The following KPNA4 variants were observed in gnomAD, a reference collection of about 807,000 sequenced individuals.
KPNA4 encodes importin subunit alpha-3.
KPNA4 carries 13 observed loss-of-function variants against 71.3 expected under a neutral mutation model. That is an observed-to-expected ratio of 0.18 (90% CI 0.12 to 0.29). The LOEUF (loss-of-function observed/expected upper bound fraction) is 0.29. KPNA4 is among the 10% of genes least tolerant of loss of function. The probability of loss-of-function intolerance (pLI) is 1.00; values close to 1 mark genes in which losing one functional copy is unlikely to be tolerated. For synonymous variants in KPNA4, 189 were observed against 195.2 expected, an observed-to-expected ratio of 0.97 and a Z score of 0.26; for missense variants, 334 against 603.2, an observed-to-expected ratio of 0.55 and a Z score of 4.67.
rs1720726171 is a variant in KPNA4, at chr3:160,495,068, G to C, written c.*7036C>G. The C allele has an allele frequency of 6.6e-6, 1 of 152,176 alleles. No individual in the cohort carries two copies. The highest frequency in any genetic ancestry group is 1.5e-5 in the Non-Finnish European group (1 of 68,040). 9.4% of individuals were successfully genotyped at this position (152,176 alleles called of 1,614,324 possible). On this transcript the variant is annotated 3_prime_UTR_variant, in exon 17 of 17. Transcript: ENST00000334256. Reference sequence around the variant, plus strand: ...TCATGGTACCTTCACGGTGTTTACAGAACTTTGCTTATATGCCGACCTTGC... The same window carrying C: ...TCATGGTACCTTCACGGTGTTTACACAACTTTGCTTATATGCCGACCTTGC...
intron 11 of KPNA4, 68 bp from the exon 12 acceptor site, chr3:160,515,648 T>C: frequency 6.4e-7 from 1 of 1,560,054 alleles, no homozygotes. Context: ...AAGGTCTTGC[T>C]CTGTCGCCCA....
intron 11 of KPNA4, among the ~76,000 whole-genome samples, chr3:160,520,914 C>T (rs1325206069): frequency 6.6e-6 from 1 of 152,214 alleles, no homozygotes; most frequent in Non-Finnish European, 1.5e-5. Context: ...CCCATTACAA[C>T]TGTAGCTTAA....
chr3:160,513,556 C>T (rs1293343046), intron 13 of KPNA4, among the ~76,000 whole-genome samples: 1 of 152,116 alleles, frequency 6.6e-6, no homozygotes, highest in Non-Finnish European at 1.5e-5. Flanking sequence ...TGAGCCACTG[C>T]ACCCAGCCTC....
At chr3:160,542,926 TAA>T (rs1721831819) in intron 1 of KPNA4, among the ~76,000 whole-genome samples, 1 of 152,182 alleles carries the variant, frequency 6.6e-6, no homozygotes, top group South Asian at 2.1e-4. Flanking sequence ...ATATAATTTT[TAA>T]AAATTGCCAA....
intron 13 of KPNA4, among the ~76,000 whole-genome samples, chr3:160,511,101 TTTTA>T (rs1326425602): frequency 2.8e-5 from 4 of 140,702 alleles, no homozygotes; most frequent in South Asian, 2.3e-4. Context: ...CAAGCTATTC[TTTTA>T]TTTATTTATT....
rs529301380 is a variant in KPNA4, at chr3:160,565,083, G to A, written c.69+131C>T. ...GCGCGCTAGCAGAGGCGTCACAGAC[G>A]GGCCGGCCCCTAGCGCCATTCCCCG... On this transcript the variant is annotated intron_variant, in intron 1 of 16. Transcript: ENST00000334256. 3.5e-5 allele frequency: 25 copies of A among 707,236 alleles called. No individual in the cohort carries two copies. In the East Asian group the frequency reaches 6.3e-4, roughly 18 times the overall value. 43.8% of individuals were successfully genotyped at this position (707,236 alleles called of 1,614,324 possible). A position where few individuals can be genotyped will look rare whatever the true frequency, so the allele number is the denominator to read the frequency against.
chr3:160,542,336 A>C (rs1721817096), intron 1 of KPNA4, among the ~76,000 whole-genome samples: 1 of 152,242 alleles, frequency 6.6e-6, no homozygotes, highest in African/African-American at 2.4e-5. Context: ...TAACTAGAAA[A>C]GTATGTTTTC....
chr3:160,536,906 C>A lies in KPNA4; in HGVS notation c.70-66G>T. On this transcript the variant is annotated intron_variant, in intron 1 of 16. Coordinates refer to ENST00000334256, the MANE Select transcript of KPNA4 (RefSeq NM_002268.5). ...AAATTCCATTATCCAGAGAAAACCA[C>A]TATTAACATTTCAATATACACCTCT... The A allele has an allele frequency of 4.3e-6, 4 of 927,762 alleles. No individual in the cohort carries two copies. The East Asian group carries it at 1.0e-4, about 23-fold the overall frequency. 57.5% of individuals were successfully genotyped at this position (927,762 alleles called of 1,614,324 possible).
At position 160,500,074 on chromosome 3, in the gene KPNA4, G is replaced by C. The variant is rs1440096063; in HGVS notation, c.*2030C>G. 1 of 151,370 alleles carries C rather than the reference G, an allele frequency of 6.6e-6. No homozygotes were observed. The highest frequency in any genetic ancestry group is 1.5e-5 in the Non-Finnish European group (1 of 67,850). 9.4% of individuals were successfully genotyped at this position (151,370 alleles called of 1,614,324 possible). On this transcript the variant is annotated 3_prime_UTR_variant, in exon 17 of 17. Transcript: ENST00000334256. The stretch of plus-strand genomic sequence containing the variant: ...GAAATTTCTTATTATGCTGGTTCTA[G>C]GTAAAAAGACAGGAAGCTAATGTAA...
chr3:160,533,050 G>T (rs1375703883), intron 5 of KPNA4, among the ~76,000 whole-genome samples: 1 of 152,162 alleles, frequency 6.6e-6, no homozygotes, highest in Non-Finnish European at 1.5e-5. Context: ...TTGAGACAGG[G>T]TCTCAGTCTG....
chr3:160,540,244 C>A (rs1721772566), intron 1 of KPNA4, among the ~76,000 whole-genome samples: 1 of 152,048 alleles, frequency 6.6e-6, no homozygotes, highest in African/African-American at 2.4e-5. Context: ...CATGATCCAC[C>A]CGCCTCGGCC....
chr3:160,508,910 T>C (rs966059521), intron 14 of KPNA4, among the ~76,000 whole-genome samples: 10 of 152,220 alleles, frequency 6.6e-5, no homozygotes, highest in African/African-American at 2.4e-4. Context: ...CACTATTCTA[T>C]TGATTTCACA....
Position 160,540,083 on chromosome 3 carries a change from T to C in KPNA4, c.70-3243A>G, listed in dbSNP as rs922455847. 2.1e-5 allele frequency among the ~76,000 whole-genome samples: 3 copies of C among 145,920 alleles called. No individual in the cohort carries two copies. In the East Asian group the frequency reaches 6.2e-4, roughly 30 times the overall value. On this transcript the variant is annotated intron_variant, in intron 1 of 16. Transcript: ENST00000334256. ...AACGGGATCTCGGCTCACTGCAACCTCCGCCTCCTGGGTTCAAGCAATTCT... is the reference window on the plus strand; with the variant it reads ...AACGGGATCTCGGCTCACTGCAACCCCCGCCTCCTGGGTTCAAGCAATTCT...
Position 160,527,913 on chromosome 3 carries a change from A to G in KPNA4, c.556+40T>C, listed in dbSNP as rs769747412. The G allele has an allele frequency of 1.2e-5, 17 of 1,466,558 alleles. No homozygotes were observed. In the South Asian group the frequency reaches 1.4e-4, roughly 12 times the overall value. 90.8% of individuals were successfully genotyped at this position (1,466,558 alleles called of 1,614,324 possible). A position where few individuals can be genotyped will look rare whatever the true frequency, so the allele number is the denominator to read the frequency against. On this transcript the variant is annotated intron_variant, in intron 8 of 16. Coordinates refer to ENST00000334256, the MANE Select transcript of KPNA4 (RefSeq NM_002268.5). ...AGCTATTTTTATTACTTAGTATATGATAACAATTTTTAGACTAGTATTACA... is the reference window on the plus strand; with the variant it reads ...AGCTATTTTTATTACTTAGTATATGGTAACAATTTTTAGACTAGTATTACA...
intron 1 of KPNA4, among the ~76,000 whole-genome samples, chr3:160,541,647 G>GCACACACA (rs570443336): frequency 3.3e-4 from 37 of 111,466 alleles, no homozygotes; most frequent in Middle Eastern, 4.8e-3. Flanking sequence ...AGTTATATAC[G>GCACACACA]CGCACACACA....
chr3:160,504,953 A>T lies in KPNA4; in HGVS notation c.1467+5T>A. On this transcript the variant is annotated splice_donor_5th_base_variant and intron_variant, in intron 16 of 16. Transcript: ENST00000334256. ...AATTAAGAAAACTACAAAATTATTA[A>T]ATACATCATCTGAAGAGAAGAACTG... 7.3e-7 allele frequency: 1 copy of T among 1,374,670 alleles called. No homozygotes were observed. Among genetic ancestry groups the T allele is most frequent in the Non-Finnish European group, 9.8e-7 (1 of 1,016,678 alleles). The allele number at this position is 1,374,670 out of a possible 1,614,324, so 85.2% of individuals were successfully genotyped here.
chr3:160,515,277 T>A, intron 12 of KPNA4, 175 bp downstream of exon 12: 1 of 700,202 alleles, frequency 1.4e-6, no homozygotes, highest in Non-Finnish European at 2.4e-6. Flanking sequence ...GTTTTATGTA[T>A]GAAAAAATTA....
At chr3:160,528,306 A>C (rs1721500914) in intron 7 of KPNA4, among the ~76,000 whole-genome samples, 1 of 152,178 alleles carries the variant, frequency 6.6e-6, no homozygotes, top group Non-Finnish European at 1.5e-5. Flanking sequence ...AATTAATTTC[A>C]AGATTAATTC....
At chr3:160,535,207 T>C (rs576715433) in intron 5 of KPNA4, among the ~76,000 whole-genome samples, 1 of 152,358 alleles carries the variant, frequency 6.6e-6, no homozygotes, top group African/African-American at 2.4e-5. Flanking sequence ...TTACAAATAA[T>C]GTTTTTCTCT....
Sources: gnomAD v4.1 joint callset for allele counts (sites outside exome capture counted in the v4.1 genomes callset) on GRCh38, gnomAD v4.1.1 for gene constraint, MANE v1.5 for transcripts, NCBI Gene and HGNC (gene_info 2026-07-23, HGNC 2026-07-21) for gene names.